Variants in RBMS3 observed in about 807,000 individuals in gnomAD.
The protein encoded by RBMS3 is RNA binding motif single stranded interacting protein 3.
Under a neutral mutation model 66.8 loss-of-function variants are expected in RBMS3, and 27 were observed. The ratio of observed to expected loss-of-function variants is 0.40; its 90% CI spans 0.30 to 0.56. The LOEUF (loss-of-function observed/expected upper bound fraction) is 0.56, where lower values mean the gene tolerates loss of function less well. Ranked by LOEUF, RBMS3 falls within the 20% of genes least tolerant of loss-of-function variation. The pLI, the probability that RBMS3 is intolerant of heterozygous loss-of-function variation, is 0.40. For synonymous variants in RBMS3, 188 were observed against 183.0 expected (o/e 1.03, Z -0.22); for missense variants, 513 against 549.5 (o/e 0.93, Z 0.66).
intron 6 of RBMS3, among the ~76,000 whole-genome samples, chr3:29,865,290 CTA>C (rs1309766646): frequency 6.6e-6 from 1 of 152,026 alleles, no homozygotes; most frequent in Admixed American, 6.6e-5. Flanking sequence ...ATACTCTAGA[CTA>C]TTAGAACCAG....
chr3:29,622,536 C>G (rs2048903087), intron 4 of RBMS3, among the ~76,000 whole-genome samples: 1 of 152,196 alleles, frequency 6.6e-6, no homozygotes, highest in Admixed American at 6.5e-5. Flanking sequence ...GTAAAATAAT[C>G]TTCTATCAGA....
At chr3:29,539,287 T>A (rs1158436460) in intron 3 of RBMS3, among the ~76,000 whole-genome samples, 2 of 152,224 alleles carry the variant, frequency 1.3e-5, no homozygotes, top group African/African-American at 4.8e-5. Flanking sequence ...GCCTTCCTTG[T>A]TTTTAAAGGT....
intron 10 of RBMS3, among the ~76,000 whole-genome samples, chr3:29,900,498 G>T (rs1169454941): frequency 6.6e-6 from 1 of 151,662 alleles, no homozygotes; most frequent in Non-Finnish European, 1.5e-5. Flanking sequence ...GCTAATGATT[G>T]CATTTATCTT....
At chr3:29,284,150 C>T (rs1040048910) in intron 1 of RBMS3, among the ~76,000 whole-genome samples, 1 of 152,016 alleles carries the variant, frequency 6.6e-6, no homozygotes, top group South Asian at 2.1e-4. Context: ...TCATAAAATC[C>T]ACTCTTTGTA....
chr3:29,934,121 G>T (rs2061203200), intron 10 of RBMS3: 1 of 152,070 alleles, frequency 6.6e-6, no homozygotes, highest in Admixed American at 6.6e-5. Flanking sequence ...TTACATGAAT[G>T]ATCCTTTTTG....
intron 4 of RBMS3, among the ~76,000 whole-genome samples, chr3:29,719,640 C>T (rs1423191991): frequency 1.3e-5 from 2 of 152,038 alleles, no homozygotes; most frequent in Admixed American, 6.6e-5. Context: ...TTGTAGATTT[C>T]CCCCCTCACA....
intron 4 of RBMS3, among the ~76,000 whole-genome samples, chr3:29,668,824 A>G (rs1468618655): frequency 6.6e-6 from 1 of 152,238 alleles, no homozygotes; most frequent in Non-Finnish European, 1.5e-5. Flanking sequence ...CAGTTATATA[A>G]CTGAGGTTTT....
At chr3:29,684,481 C>T (rs1156577417) in intron 4 of RBMS3, among the ~76,000 whole-genome samples, 1 of 152,092 alleles carries the variant, frequency 6.6e-6, no homozygotes, top group Admixed American at 6.5e-5. Flanking sequence ...TTAAAACCAA[C>T]TGTGGTGGTA....
intron 7 of RBMS3, among the ~76,000 whole-genome samples, chr3:29,878,338 C>T (rs1377048191): frequency 6.6e-6 from 1 of 152,070 alleles, no homozygotes. Context: ...TTATTGGTTT[C>T]TCTGAATATC....
At chr3:29,774,110 T>C (rs191569119) in intron 6 of RBMS3, among the ~76,000 whole-genome samples, 1 of 152,222 alleles carries the variant, frequency 6.6e-6, no homozygotes, top group East Asian at 1.9e-4. Flanking sequence ...ATTAATGTTT[T>C]GAGTTTTACA....
chr3:29,648,654 ACTT>A (rs1306064952), intron 4 of RBMS3, among the ~76,000 whole-genome samples: 2 of 152,072 alleles, frequency 1.3e-5, no homozygotes, highest in Non-Finnish European at 2.9e-5. Flanking sequence ...GATTCTTGAA[ACTT>A]CTTGCACTAA....
At position 30,008,438 on chromosome 3, in the gene RBMS3, T is replaced by C. The variant is rs1188094642; in HGVS notation, c.*4576T>C. 1 of 152,056 alleles carries C rather than the reference T, an allele frequency of 6.6e-6. No individual in the cohort carries two copies. The highest frequency in any genetic ancestry group is 2.4e-5 in the African/African-American group (1 of 41,420). 9.4% of individuals were successfully genotyped at this position (152,056 alleles called of 1,614,324 possible). ...TACGTGTATAACAACATTCAGCACA[T>C]TTGAGGAATCACACACTATAATAAA... On this transcript the variant is annotated 3_prime_UTR_variant, in exon 15 of 15. Coordinates refer to ENST00000383767, the MANE Select transcript of RBMS3 (RefSeq NM_001003793.3).
intron 11 of RBMS3, among the ~76,000 whole-genome samples, chr3:29,937,682 CT>C (rs774173921): frequency 6.6e-6 from 1 of 151,902 alleles, no homozygotes; most frequent in Non-Finnish European, 1.5e-5. Context: ...GGTTTCTCAC[CT>C]ACACTTTTAG....
At chr3:29,495,483 C>T (rs554509366) in intron 3 of RBMS3, among the ~76,000 whole-genome samples, 57 of 139,414 alleles carry the variant, frequency 4.1e-4, no homozygotes, top group African/African-American at 1.2e-3. Flanking sequence ...TGCAGTGGTG[C>T]GATCTTGGCT....
intron 10 of RBMS3, among the ~76,000 whole-genome samples, chr3:29,918,132 A>C (rs72848076): frequency 0.025 from 3,758 of 152,222 alleles, 163 homozygotes; most frequent in African/African-American, 0.085. Context: ...CACCAACTCT[A>C]TTTCATTATA....
intron 1 of RBMS3, among the ~76,000 whole-genome samples, chr3:29,383,929 C>A (rs1165477390): frequency 6.6e-6 from 1 of 152,164 alleles, no homozygotes; most frequent in African/African-American, 2.4e-5. Context: ...CCATAGTGAG[C>A]AACCAGTATA....
Position 29,307,412 on chromosome 3 carries a change from A to T in RBMS3, c.75+25656A>T, listed in dbSNP as rs984429399. On this transcript the variant is annotated intron_variant, in intron 1 of 14. Coordinates refer to ENST00000383767, the MANE Select transcript of RBMS3 (RefSeq NM_001003793.3). ...TGAGTAAGCATGTGGTTCTCTATTT[A>T]TAAAGTAGCCCCTAATCTCTCACCA... Among the ~76,000 whole-genome samples the T allele has an allele frequency of 9.9e-5, 15 of 152,060 alleles. No individual in the cohort carries two copies. In the South Asian group the frequency reaches 2.3e-3, roughly 23 times the overall value.
At chr3:29,686,607 T>C (rs923060868) in intron 4 of RBMS3, among the ~76,000 whole-genome samples, 8 of 152,246 alleles carry the variant, frequency 5.3e-5, no homozygotes, top group Admixed American at 3.3e-4. Flanking sequence ...GTTGCTTGAG[T>C]GCAGGAGTTC....
At chr3:29,583,145 C>T (rs962089249) in intron 3 of RBMS3, among the ~76,000 whole-genome samples, 7 of 152,096 alleles carry the variant, frequency 4.6e-5, no homozygotes, top group Non-Finnish European at 7.4e-5. Context: ...GCCAGAACAT[C>T]CCTGATTCAG....
Sources: gnomAD v4.1 joint callset for allele counts (sites outside exome capture counted in the v4.1 genomes callset) on GRCh38, gnomAD v4.1.1 for gene constraint, MANE v1.5 for transcripts, NCBI Gene and HGNC (gene_info 2026-07-23, HGNC 2026-07-21) for gene names.